Variants in TRPM7 observed in about 807,000 individuals in gnomAD.
TRPM7 encodes the protein LTRPC ion channel family member 7.
TRPM7 carries 134 observed loss-of-function variants against 229.7 expected under a neutral mutation model. The ratio of observed to expected loss-of-function variants is 0.58; its 90% CI spans 0.51 to 0.67. The LOEUF (loss-of-function observed/expected upper bound fraction) is 0.67. Among genes scored for constraint, TRPM7 ranks in the 30% least tolerant of loss-of-function variants. TRPM7 has a pLI of 0.00. For missense variants in TRPM7, 1,901 were observed against 2,210.0 expected, an observed-to-expected ratio of 0.86 and a Z score of 2.80; for synonymous variants, 699 against 715.2, an observed-to-expected ratio of 0.98 and a Z score of 0.36.
At chr15:50,609,317 T>A (rs1354624818) in intron 19 of TRPM7, among the ~76,000 whole-genome samples, 2 of 152,184 alleles carry the variant, frequency 1.3e-5, no homozygotes, top group South Asian at 2.1e-4. Flanking sequence ...AGTTGATTAG[T>A]ATTTGCTACC....
intron 3 of TRPM7, among the ~76,000 whole-genome samples, chr15:50,657,217 G>A (rs2061599444): frequency 6.6e-6 from 1 of 152,098 alleles, no homozygotes; most frequent in African/African-American, 2.4e-5. Context: ...CCAGCTACTC[G>A]GGAGGCTGAG....
rs933149275 is a variant in TRPM7, at chr15:50,560,149, A to T, written c.*1529T>A. 3.3e-5 allele frequency: 5 copies of T among 152,228 alleles called. No homozygotes were observed. Among genetic ancestry groups the T allele is most frequent in the Non-Finnish European group, 7.3e-5 (5 of 68,032 alleles). 9.4% of individuals were successfully genotyped at this position (152,228 alleles called of 1,614,324 possible). The stretch of plus-strand genomic sequence containing the variant: ...AAAACAGATTTCTAAGAAGACAGTA[A>T]GAAATCAGTATTAATTTAAACATTG... On this transcript the variant is annotated 3_prime_UTR_variant, in exon 39 of 39. Transcript: ENST00000646667.
chr15:50,686,754 GGGA>G lies in TRPM7; in HGVS notation c.-224_-222del. On this transcript the variant is annotated 5_prime_UTR_variant, in exon 1 of 39. Coordinates refer to ENST00000646667, the MANE Select transcript of TRPM7 (RefSeq NM_017672.6). ...CAACTCCTCCGGGTGACTGGCCACA[GGGA>G]CGCGCCCGCGCCCGCCTCCGCCGGC... is the stretch of plus-strand genomic sequence containing the variant. The G allele has an allele frequency of 1.9e-6, 1 of 533,484 alleles. No homozygotes were observed. Among genetic ancestry groups the G allele is most frequent in the Non-Finnish European group, 3.1e-6 (1 of 323,410 alleles). The allele number at this position is 533,484 out of a possible 1,614,324, so 33.0% of individuals were successfully genotyped here.
intron 7 of TRPM7, among the ~76,000 whole-genome samples, chr15:50,634,951 C>G (rs1390917583): frequency 6.6e-6 from 1 of 152,106 alleles, no homozygotes; most frequent in Non-Finnish European, 1.5e-5. Context: ...ATTAGTTGAA[C>G]TTCTAACATT....
intron 26 of TRPM7, among the ~76,000 whole-genome samples, chr15:50,590,213 A>G (rs1430960120): frequency 6.6e-6 from 1 of 152,148 alleles, no homozygotes; most frequent in African/African-American, 2.4e-5. Flanking sequence ...AAAACAAACC[A>G]ACATGTGATA....
At chr15:50,679,474 TTATA>T (rs35739823) in intron 1 of TRPM7, among the ~76,000 whole-genome samples, 5 of 121,232 alleles carry the variant, frequency 4.1e-5, no homozygotes, top group South Asian at 2.3e-4. Context: ...TTTATTTCAT[TTATA>T]TATATATATA....
At chr15:50,564,248 AAAAATAAAATAAAATAAAATAAAAT>A (rs58216853) in intron 38 of TRPM7, among the ~76,000 whole-genome samples, 21,393 of 124,552 alleles carry the variant, frequency 0.17, 2,274 homozygotes, top group Admixed American at 0.28. Context: ...GACTGTCTCA[AAAAATAAAATAAAATAAAATAAAAT>A]AAAATAAAAT....
At chr15:50,658,968 G>A (rs1351517079) in intron 2 of TRPM7, among the ~76,000 whole-genome samples, 1 of 152,214 alleles carries the variant, frequency 6.6e-6, no homozygotes, top group Non-Finnish European at 1.5e-5. Context: ...GGAGGCTGAG[G>A]CGGGAGGATC....
At chr15:50,684,381 C>A (rs2062312870) in intron 1 of TRPM7, among the ~76,000 whole-genome samples, 1 of 152,050 alleles carries the variant, frequency 6.6e-6, no homozygotes, top group African/African-American at 2.4e-5. Flanking sequence ...GTGGGGCATG[C>A]CTGTAATCCC....
intron 4 of TRPM7, 114 bp from the exon 5 acceptor site, chr15:50,643,667 T>G: frequency 1.4e-6 from 1 of 717,148 alleles, no homozygotes; most frequent in South Asian, 1.9e-5. Context: ...AAAAGAGATT[T>G]CATAGGCTAT....
In TRPM7 at chr15:50,577,160, G is replaced by T. The variant is rs377513344; in HGVS notation, c.4619-1241C>A. On this transcript the variant is annotated intron_variant, in intron 31 of 38. Coordinates refer to ENST00000646667, the MANE Select transcript of TRPM7 (RefSeq NM_017672.6). ...GAATTAAGAGCCTAAAGTGTGTGTG[G>T]GGGGGTAATTAAAAGCCTAATATGT... Among the ~76,000 whole-genome samples, 15 of 151,964 alleles carry T rather than the reference G, an allele frequency of 9.9e-5. 1 individual carries two copies. Among genetic ancestry groups the T allele is most frequent in the African/African-American group, 2.9e-4 (12 of 41,434 alleles).
intron 1 of TRPM7, among the ~76,000 whole-genome samples, chr15:50,671,726 T>C (rs1409067552): frequency 2.0e-5 from 3 of 152,032 alleles, no homozygotes; most frequent in Non-Finnish European, 4.4e-5. Flanking sequence ...GGGAGGATCA[T>C]TTGAGCCCAG....
chr15:50,652,916 C>CT, intron 3 of TRPM7, among the ~76,000 whole-genome samples: 1 of 152,160 alleles, frequency 6.6e-6, no homozygotes, highest in South Asian at 2.1e-4. Context: ...AATCCCAGCA[C>CT]TTTGAGAGGC....
intron 21 of TRPM7, among the ~76,000 whole-genome samples, chr15:50,600,576 T>C (rs2059752955): frequency 1.3e-5 from 2 of 152,204 alleles, no homozygotes; most frequent in Admixed American, 1.3e-4. Flanking sequence ...ACAATAAATC[T>C]GTACATTAAC....
At chr15:50,639,905 CAACAAGGTCATAACA>C (rs137919232) in intron 5 of TRPM7, among the ~76,000 whole-genome samples, 22,169 of 151,980 alleles carry the variant, frequency 0.15, 2,206 homozygotes, top group Admixed American at 0.28. Context: ...AGATATAAGG[CAACAAGGTCATAACA>C]AACTTAAAAC....
At chr15:50,675,586 T>G (rs139511801) in intron 1 of TRPM7, among the ~76,000 whole-genome samples, 1,705 of 152,264 alleles carry the variant, frequency 0.011, 20 homozygotes, top group Admixed American at 0.019. Flanking sequence ...AAAAAAAGTT[T>G]TTATAGTTTT....
At position 50,607,205 on chromosome 15, in the gene TRPM7, G is replaced by A. The variant is rs770110235; in HGVS notation, c.2704C>T (p.Arg902Cys). The A allele has an allele frequency of 1.1e-5, 17 of 1,605,022 alleles. No homozygotes were observed. The highest frequency in any genetic ancestry group is 3.4e-5 in the South Asian group (3 of 88,506). ...YIFTYAIEKV[R>C]EIFMSEAGKV... is the part of the protein sequence containing the mutation. ...GAAAAAAACTAAAGACATACCTCAC[G>A]GACTTTCTCAATGGCATAAGTAAAA... Residue 902 changes from arginine (R) to cysteine (C), a missense_variant, in exon 20 of 39, where the codon CGT becomes TGT. This residue lies in a region of TRPM7 where 207 missense variants were observed against 241.5 expected (regional missense o/e 0.86). Transcript: ENST00000646667.
At chr15:50,621,749 G>A (rs1436702985) in intron 12 of TRPM7, among the ~76,000 whole-genome samples, 2 of 152,124 alleles carry the variant, frequency 1.3e-5, no homozygotes, top group Non-Finnish European at 2.9e-5. Context: ...AAACATAGCA[G>A]GCTGGGTGCG....
At chr15:50,627,999 T>C in intron 11 of TRPM7, 150 bp downstream of exon 11, 2 of 610,810 alleles carry the variant, frequency 3.3e-6, no homozygotes, top group East Asian at 2.8e-5. Context: ...AATCCTAAAC[T>C]GGATCGGAAT....
Sources: allele counts gnomAD v4.1 joint callset (sites outside exome capture counted in the v4.1 genomes callset), GRCh38; gene constraint gnomAD v4.1.1; regional missense constraint gnomAD v4.1.1; transcripts MANE v1.5; gene names NCBI Gene and HGNC (gene_info 2026-07-23, HGNC 2026-07-21).